The following SPOCK3 variants were observed in gnomAD, a reference collection of about 807,000 sequenced individuals.
SPOCK3 encodes SPARC (osteonectin), cwcv and kazal like domains proteoglycan 3.
SPOCK3 carries 30 observed loss-of-function variants against 56.6 expected under a neutral mutation model. The observed-to-expected ratio is 0.53, with a 90% CI of 0.40 to 0.72. The LOEUF (loss-of-function observed/expected upper bound fraction) is 0.72, where lower values mean the gene tolerates loss of function less well. Among genes scored for constraint, SPOCK3 ranks in the 30% least tolerant of loss-of-function variants. SPOCK3 has a pLI of 0.00. For synonymous variants in SPOCK3, 196 were observed against 183.3 expected (o/e 1.07, Z -0.56); for missense variants, 527 against 530.0 (o/e 0.99, Z 0.06).
At chr4:167,029,261 T>C (rs1248988612) in intron 3 of SPOCK3, among the ~76,000 whole-genome samples, 1 of 150,950 alleles carries the variant, frequency 6.6e-6, no homozygotes, top group African/African-American at 2.5e-5. Flanking sequence ...CAAGTCACTA[T>C]TGATTTTTAA....
intron 7 of SPOCK3, among the ~76,000 whole-genome samples, chr4:166,763,091 A>G (rs977472641): frequency 2.6e-5 from 4 of 151,966 alleles, no homozygotes; most frequent in African/African-American, 9.7e-5. Context: ...AAACCAAACT[A>G]AAGCATACCA....
intron 2 of SPOCK3, among the ~76,000 whole-genome samples, chr4:167,176,946 C>T (rs544190217): frequency 5.4e-4 from 82 of 152,182 alleles, no homozygotes; most frequent in Non-Finnish European, 9.0e-4. Flanking sequence ...ACTCTATGTC[C>T]ACAGCGTTGT....
chr4:166,911,459 G>C (rs141875310), intron 5 of SPOCK3, among the ~76,000 whole-genome samples: 1 of 152,104 alleles, frequency 6.6e-6, no homozygotes, highest in Non-Finnish European at 1.5e-5. Context: ...CTGAAGAAAG[G>C]TTATTTATAG....
intron 2 of SPOCK3, among the ~76,000 whole-genome samples, chr4:167,230,083 T>C (rs967770334): frequency 6.6e-6 from 1 of 152,068 alleles, no homozygotes; most frequent in Non-Finnish European, 1.5e-5. Context: ...TTTATTATAT[T>C]GATTCCAAAA....
At position 166,910,169 on chromosome 4, in the gene SPOCK3, G is replaced by T. The variant is rs552804406; in HGVS notation, c.474+2451C>A. On this transcript the variant is annotated intron_variant, in intron 5 of 10. Coordinates refer to ENST00000357545, the MANE Select transcript of SPOCK3 (RefSeq NM_001040159.2). The stretch of plus-strand genomic sequence containing the variant: ...CATTGCTGTCAATGCAAAAGTTTAA[G>T]ATTAGGATGGATGGTTCAAAGTGGA... Among the ~76,000 whole-genome samples the T allele has an allele frequency of 4.6e-5, 7 of 152,172 alleles. No homozygotes were observed. The South Asian group carries it at 1.4e-3, about 32-fold the overall frequency.
chr4:167,222,581 T>C (rs1228667728), intron 2 of SPOCK3, among the ~76,000 whole-genome samples: 1 of 143,700 alleles, frequency 7.0e-6, no homozygotes, highest in East Asian at 2.0e-4. Flanking sequence ...TAGATTCATA[T>C]ATGAATATAT....
intron 2 of SPOCK3, among the ~76,000 whole-genome samples, chr4:167,109,157 A>C (rs1315779014): frequency 1.1e-4 from 1 of 9,476 alleles, no homozygotes; most frequent in Non-Finnish European, 1.8e-4. Context: ...ATATATAAAT[A>C]TTATATATTT....
At chr4:166,804,695 T>C (rs945125242) in intron 6 of SPOCK3, among the ~76,000 whole-genome samples, 4 of 152,192 alleles carry the variant, frequency 2.6e-5, no homozygotes, top group African/African-American at 4.8e-5. Context: ...TCACTCATAC[T>C]TGCCTATTGC....
At chr4:167,105,522 GAT>G (rs1760042143) in intron 2 of SPOCK3, among the ~76,000 whole-genome samples, 1 of 98,660 alleles carries the variant, frequency 1.0e-5, no homozygotes, top group African/African-American at 4.0e-5. Context: ...CTAAAAGAAA[GAT>G]AGGAAGGAAG....
chr4:166,932,517 T>G (rs1385186390), intron 4 of SPOCK3, among the ~76,000 whole-genome samples: 1 of 152,140 alleles, frequency 6.6e-6, no homozygotes, highest in African/African-American at 2.4e-5. Flanking sequence ...TAAACAAACT[T>G]TCTTTAAGAA....
intron 4 of SPOCK3, among the ~76,000 whole-genome samples, chr4:166,997,720 T>C (rs529419192): frequency 6.6e-6 from 1 of 152,256 alleles, no homozygotes; most frequent in South Asian, 2.1e-4. Flanking sequence ...GATGCGAAGG[T>C]TGAAATTCTA....
chr4:166,915,312 G>A (rs1036294221), intron 4 of SPOCK3, among the ~76,000 whole-genome samples: 2 of 151,876 alleles, frequency 1.3e-5, no homozygotes, highest in Non-Finnish European at 2.9e-5. Flanking sequence ...TGTATCCCAG[G>A]ACTTAAAATA....
chr4:166,893,808 G>A (rs867248564), intron 5 of SPOCK3, among the ~76,000 whole-genome samples: 2 of 152,022 alleles, frequency 1.3e-5, no homozygotes, highest in Middle Eastern at 6.8e-3. Flanking sequence ...TATTTTTAAT[G>A]CTCTAAATAG....
In SPOCK3 at chr4:167,065,587, T is replaced by C. The variant is rs1481918756; in HGVS notation, c.190-3050A>G. The stretch of plus-strand genomic sequence containing the variant: ...CTGTGGGGATCAGACATATATATGA[T>C]GGAAATGCAAAGTAGTCCCACTACT... On this transcript the variant is annotated intron_variant, in intron 2 of 10. Transcript: ENST00000357545. 2.0e-5 allele frequency among the ~76,000 whole-genome samples: 3 copies of C among 151,778 alleles called. No homozygotes were observed. In the Admixed American group the frequency reaches 2.0e-4, roughly 10 times the overall value.
chr4:166,830,274 T>A (rs1355734987), intron 6 of SPOCK3, among the ~76,000 whole-genome samples: 1 of 152,206 alleles, frequency 6.6e-6, no homozygotes, highest in Non-Finnish European at 1.5e-5. Context: ...TCAAATCAGA[T>A]CATTTATTTT....
At chr4:166,968,397 G>C (rs1390835260) in intron 4 of SPOCK3, among the ~76,000 whole-genome samples, 1 of 152,158 alleles carries the variant, frequency 6.6e-6, no homozygotes, top group Non-Finnish European at 1.5e-5. Flanking sequence ...AGGCCTGGAG[G>C]CCTAGGAGGA....
intron 3 of SPOCK3, among the ~76,000 whole-genome samples, chr4:167,059,003 A>G (rs1380807295): frequency 1.3e-5 from 2 of 152,158 alleles, no homozygotes; most frequent in Non-Finnish European, 2.9e-5. Flanking sequence ...AATCAATTCA[A>G]GATGGATTAA....
chr4:167,006,738 A>C (rs1395075734), intron 3 of SPOCK3, among the ~76,000 whole-genome samples: 3 of 152,102 alleles, frequency 2.0e-5, no homozygotes, highest in Non-Finnish European at 4.4e-5. Flanking sequence ...TTAATTTTTC[A>C]CTATTTTTAA....
At chr4:167,202,755 C>T (rs975804227) in intron 2 of SPOCK3, among the ~76,000 whole-genome samples, 21 of 147,620 alleles carry the variant, frequency 1.4e-4, no homozygotes, top group Non-Finnish European at 8.9e-5. Flanking sequence ...TATGTGTATT[C>T]AATAAAAAAA....
Sources: gnomAD v4.1 joint callset for allele counts (sites outside exome capture counted in the v4.1 genomes callset) on GRCh38, gnomAD v4.1.1 for gene constraint, MANE v1.5 for transcripts, NCBI Gene and HGNC (gene_info 2026-07-23, HGNC 2026-07-21) for gene names.